Variants in FSIP1 observed in about 807,000 individuals in gnomAD.
The protein encoded by FSIP1 is fibrous sheath-interacting protein 1.
FSIP1 carries 65 observed loss-of-function variants against 60.9 expected under a neutral mutation model. The ratio of observed to expected loss-of-function variants is 1.07; its 90% CI spans 0.87 to 1.31. The LOEUF is 1.31. FSIP1 is among the 40% of genes most tolerant of loss of function. The probability of loss-of-function intolerance (pLI) is 0.00; values close to 1 mark genes in which losing one functional copy is unlikely to be tolerated. For synonymous variants in FSIP1, 209 were observed against 221.2 expected, an observed-to-expected ratio of 0.94 and a Z score of 0.49; for missense variants, 675 against 665.5, an observed-to-expected ratio of 1.01 and a Z score of -0.16.
At position 39,779,980 on chromosome 15, in the gene FSIP1, T is replaced by C. The variant is rs1185538941; in HGVS notation, c.-8+2648A>G. ...ATTATTTATGTATGGTCAGTTTTTTTACTTTATATATTTGTGTATCTGTAA... is the reference window on the plus strand; with the variant it reads ...ATTATTTATGTATGGTCAGTTTTTTCACTTTATATATTTGTGTATCTGTAA... On this transcript the variant is annotated intron_variant, in intron 1 of 11. Coordinates refer to ENST00000350221, the MANE Select transcript of FSIP1 (RefSeq NM_152597.5). Among the ~76,000 whole-genome samples, 3 of 152,244 alleles carry C rather than the reference T, an allele frequency of 2.0e-5. No individual in the cohort carries two copies. In the East Asian group the frequency reaches 5.8e-4, roughly 29 times the overall value.
chr15:39,671,264 A>AT (rs898762031), intron 10 of FSIP1, among the ~76,000 whole-genome samples: 10 of 151,946 alleles, frequency 6.6e-5, no homozygotes, highest in South Asian at 4.2e-4. Context: ...GAAGAAAATA[A>AT]TTTTTTTTCA....
At chr15:39,716,099 A>G (rs1158693153) in intron 9 of FSIP1, among the ~76,000 whole-genome samples, 2 of 152,198 alleles carry the variant, frequency 1.3e-5, no homozygotes, top group Non-Finnish European at 2.9e-5. Flanking sequence ...AATTATTATC[A>G]GAAATATTTT....
chr15:39,619,360 C>T (rs1008775287), intron 10 of FSIP1, among the ~76,000 whole-genome samples: 2 of 152,178 alleles, frequency 1.3e-5, no homozygotes, highest in Middle Eastern at 3.4e-3. Context: ...TTTACAGTGG[C>T]AAGTGTCACT....
intron 10 of FSIP1, among the ~76,000 whole-genome samples, chr15:39,666,218 T>C (rs1893488774): frequency 6.6e-6 from 1 of 152,204 alleles, no homozygotes; most frequent in African/African-American, 2.4e-5. Context: ...ACTAAAAATC[T>C]AGCCAGCCGA....
chr15:39,754,994 G>C (rs75220009), intron 5 of FSIP1, among the ~76,000 whole-genome samples: 3,970 of 152,054 alleles, frequency 0.026, 181 homozygotes, highest in African/African-American at 0.092. Flanking sequence ...AAGAGATGTG[G>C]ACTATTCTTT....
intron 11 of FSIP1, among the ~76,000 whole-genome samples, chr15:39,610,926 A>G (rs926385260): frequency 6.6e-6 from 1 of 152,206 alleles, no homozygotes; most frequent in Non-Finnish European, 1.5e-5. Flanking sequence ...CAAACAAACA[A>G]AAACTAAGTA....
rs184446495 is a variant in FSIP1 at position 39,714,124 on chromosome 15, T to A, written c.1051-543A>T. Among the ~76,000 whole-genome samples the A allele has an allele frequency of 5.3e-3, 808 of 152,264 alleles. 4 individuals are homozygous for A. Among genetic ancestry groups the A allele is most frequent in the African/African-American group, 0.019 (772 of 41,558 alleles). ...ATCATCTGTAAAACAGTAACAGTAA[T>A]AATAGATCTAGGCTAAAAGTCATCA... On this transcript the variant is annotated intron_variant, in intron 9 of 11. Coordinates refer to ENST00000350221, the MANE Select transcript of FSIP1 (RefSeq NM_152597.5).
chr15:39,745,474 T>C (rs950791802), intron 5 of FSIP1, among the ~76,000 whole-genome samples: 3 of 152,206 alleles, frequency 2.0e-5, no homozygotes, highest in Non-Finnish European at 4.4e-5. Flanking sequence ...TATAAGTACA[T>C]TTCAGAAAAA....
rs1896800061 is a variant in FSIP1 at position 39,741,537 on chromosome 15, T to C, written c.655+268A>G. On this transcript the variant is annotated intron_variant, in intron 6 of 11. Transcript: ENST00000350221. ...AAAATCATTTTCACAGACTTGTTTT[T>C]GCTTAAGCCAGGTTTTCATTACTTG... Among the ~76,000 whole-genome samples the C allele has an allele frequency of 2.6e-5, 4 of 152,266 alleles. No homozygotes were observed. The South Asian group carries it at 8.3e-4, about 31-fold the overall frequency.
Position 39,652,487 on chromosome 15 carries a change from T to G in FSIP1, c.1189-34242A>C, listed in dbSNP as rs79780836. Among the ~76,000 whole-genome samples the G allele has an allele frequency of 1.4e-3, 217 of 152,296 alleles. 1 individual carries two copies. Among genetic ancestry groups the G allele is most frequent in the African/African-American group, 5.0e-3 (209 of 41,572 alleles). ...GACTAAGAGCTGTTGAAATAAAAATTTGCTATAGATTTTGCACATTTCGGG... is the reference window on the plus strand; with the variant it reads ...GACTAAGAGCTGTTGAAATAAAAATGTGCTATAGATTTTGCACATTTCGGG... On this transcript the variant is annotated intron_variant, in intron 10 of 11. Coordinates refer to ENST00000350221, the MANE Select transcript of FSIP1 (RefSeq NM_152597.5).
intron 10 of FSIP1, among the ~76,000 whole-genome samples, chr15:39,681,799 T>C (rs944366744): frequency 6.6e-6 from 1 of 152,184 alleles, no homozygotes; most frequent in Non-Finnish European, 1.5e-5. Flanking sequence ...CTGAATTTTT[T>C]TTCTAAGCTT....
intron 10 of FSIP1, among the ~76,000 whole-genome samples, chr15:39,661,674 G>A (rs1390919142): frequency 6.6e-6 from 1 of 152,130 alleles, no homozygotes; most frequent in Non-Finnish European, 1.5e-5. Flanking sequence ...GTTATAGATT[G>A]CAGAACTAAT....
At chr15:39,768,460 C>T (rs539172274) in intron 3 of FSIP1, among the ~76,000 whole-genome samples, 16 of 152,274 alleles carry the variant, frequency 1.1e-4, no homozygotes, top group African/African-American at 3.9e-4. Context: ...AAAAAACATG[C>T]TATTACTAAT....
intron 9 of FSIP1, among the ~76,000 whole-genome samples, chr15:39,716,287 A>G (rs1262563002): frequency 6.6e-6 from 1 of 152,248 alleles, no homozygotes; most frequent in East Asian, 1.9e-4. Context: ...TATTTTAATA[A>G]TCTACAACTA....
chr15:39,626,973 C>A (rs1460677437), intron 10 of FSIP1, among the ~76,000 whole-genome samples: 1 of 151,976 alleles, frequency 6.6e-6, no homozygotes, highest in African/African-American at 2.4e-5. Context: ...TATCTGGACC[C>A]TTCCCCCCTC....
rs578228954 is a variant in FSIP1 at position 39,760,471 on chromosome 15, G to A, written c.559+3350C>T. ...CCAATAATAATATATAACAGCATTA[G>A]GTATACCAAGTGTGATTGACTGAGA... On this transcript the variant is annotated intron_variant, in intron 5 of 11. Coordinates refer to ENST00000350221, the MANE Select transcript of FSIP1 (RefSeq NM_152597.5). Among the ~76,000 whole-genome samples, 3 of 152,266 alleles carry A rather than the reference G, an allele frequency of 2.0e-5. No homozygotes were observed. The South Asian group carries it at 6.2e-4, about 32-fold the overall frequency.
chr15:39,645,834 G>A (rs930574266), intron 10 of FSIP1, among the ~76,000 whole-genome samples: 1 of 152,218 alleles, frequency 6.6e-6, no homozygotes, highest in Admixed American at 6.5e-5. Context: ...CGGGGTTGGG[G>A]CCGAGCCCCA....
intron 8 of FSIP1, among the ~76,000 whole-genome samples, chr15:39,731,433 A>G (rs982670898): frequency 3.3e-5 from 5 of 152,246 alleles, no homozygotes; most frequent in African/African-American, 7.2e-5. Context: ...AAGAATCACA[A>G]AAAAGTAAAA....
intron 10 of FSIP1, among the ~76,000 whole-genome samples, chr15:39,644,428 C>T (rs750287802): frequency 2.6e-5 from 4 of 152,184 alleles, no homozygotes; most frequent in African/African-American, 4.8e-5. Flanking sequence ...CCAGTCAAGG[C>T]ATCCTGCTGA....
Sources: allele counts gnomAD v4.1 joint callset (sites outside exome capture counted in the v4.1 genomes callset), GRCh38; gene constraint gnomAD v4.1.1; transcripts MANE v1.5; gene names NCBI Gene and HGNC (gene_info 2026-07-23, HGNC 2026-07-21).